ZC3H12D: variants seen among roughly 807,000 people sequenced by gnomAD.
ZC3H12D encodes zinc finger CCCH-type containing 12D.
A neutral mutation model predicts 24.2 loss-of-function variants in ZC3H12D; 11 were observed. The observed-to-expected ratio is 0.46, with a 90% CI of 0.29 to 0.75. The LOEUF (loss-of-function observed/expected upper bound fraction) is 0.75. ZC3H12D is among the 30% of genes least tolerant of loss of function. ZC3H12D has a pLI of 0.11. For synonymous variants in ZC3H12D, 333 were observed against 341.8 expected (o/e 0.97, Z 0.28); for missense variants, 740 against 767.7 (o/e 0.96, Z 0.43).
Position 149,456,639 on chromosome 6 carries a change from G to T in ZC3H12D, c.680+27C>A. On this transcript the variant is annotated intron_variant, in intron 4 of 5. Transcript: ENST00000409806. The surrounding 1 kb of genome is among the most constrained non-coding windows in gnomAD (Gnocchi z 4.3). The stretch of plus-strand genomic sequence containing the variant: ...CGGCCCCCCGCCCCGCCGCCCCCCA[G>T]GGTGTCAGGACCCCAGCCGGACCTA... 1 of 767,110 alleles carries T rather than the reference G, an allele frequency of 1.3e-6. No homozygotes were observed. The highest frequency in any genetic ancestry group is 2.2e-6 in the Non-Finnish European group (1 of 452,008). The allele number at this position is 767,110 out of a possible 1,614,324, so 47.5% of individuals were successfully genotyped here. A position where few individuals can be genotyped will look rare whatever the true frequency, so the allele number is the denominator to read the frequency against.
chr6:149,473,874 C>T (rs1214506371), intron 2 of ZC3H12D, among the ~76,000 whole-genome samples: 1 of 152,158 alleles, frequency 6.6e-6, no homozygotes, highest in Non-Finnish European at 1.5e-5. Context: ...TCTGCCAACA[C>T]TTGACCCAGG....
rs1399311756 is a variant in ZC3H12D at position 149,461,983 on chromosome 6, A to G, written c.306-13T>C. The G allele has an allele frequency of 6.2e-7, 1 of 1,606,966 alleles. No homozygotes were observed. Among genetic ancestry groups the G allele is most frequent in the Non-Finnish European group, 8.5e-7 (1 of 1,176,854 alleles). ...TTTATTTCCATGGCTACAATGGGAA[A>G]ACAAAGAAATCATAGAGACACAGCA... On this transcript the variant is annotated splice_polypyrimidine_tract_variant and intron_variant, in intron 2 of 5. Transcript: ENST00000409806.
At chr6:149,455,993 C>A (rs991981240) in intron 4 of ZC3H12D, among the ~76,000 whole-genome samples, 3 of 151,158 alleles carry the variant, frequency 2.0e-5, no homozygotes, top group African/African-American at 7.3e-5. Context: ...GTGGCTCAAG[C>A]CTGTAATCCC....
intron 3 of ZC3H12D, among the ~76,000 whole-genome samples, chr6:149,459,157 TTG>T (rs1776033999): frequency 1.6e-5 from 1 of 62,542 alleles, no homozygotes; most frequent in Non-Finnish European, 3.6e-5. Context: ...AAGTTTGCAC[TTG>T]TTGTGGCTTA....
chr6:149,474,170 G>C, intron 2 of ZC3H12D, 69 bp downstream of exon 2: 1 of 1,342,458 alleles, frequency 7.4e-7, no homozygotes, highest in Non-Finnish European at 9.8e-7. Flanking sequence ...ACAAGGAAGA[G>C]GGACAGTTCT....
chr6:149,452,704 G>T lies in ZC3H12D; in HGVS notation c.699C>A (p.Asp233Glu). Residue 233 changes from aspartate to glutamate, a missense_variant, in exon 5 of 6, where the codon GAC becomes GAA. Coordinates refer to ENST00000409806, the MANE Select transcript of ZC3H12D (RefSeq NM_207360.3). The surrounding 1 kb of genome is among the most constrained non-coding windows in gnomAD (Gnocchi z 4.0). ...FVNDRFMPPDDPLGRHGPSLS... is the reference protein window; with the variant it reads ...FVNDRFMPPDEPLGRHGPSLS... ...GGGAGGGTCCATGGCGGCCCAGGGG[G>T]TCATCAGGCGGCATGAACCTGGAAA... The T allele has an allele frequency of 6.2e-7, 1 of 1,605,528 alleles. No homozygotes were observed. The highest frequency in any genetic ancestry group is 8.5e-7 in the Non-Finnish European group (1 of 1,176,968).
intron 2 of ZC3H12D, among the ~76,000 whole-genome samples, chr6:149,473,000 T>A (rs1013134935): frequency 1.1e-4 from 16 of 152,168 alleles, no homozygotes; most frequent in South Asian, 2.1e-4. Flanking sequence ...GGTTTACCTA[T>A]CTGGTGCCTA....
At chr6:149,463,806 A>G (rs970732243) in intron 2 of ZC3H12D, among the ~76,000 whole-genome samples, 3 of 152,176 alleles carry the variant, frequency 2.0e-5, no homozygotes. Context: ...TCAATGACTG[A>G]TTGGATATGG....
rs1237415429 is a variant in ZC3H12D at position 149,452,504 on chromosome 6, T to C, written c.787+112A>G. 3.4e-6 allele frequency: 3 copies of C among 891,572 alleles called. No homozygotes were observed. The highest frequency in any genetic ancestry group is 4.8e-6 in the Non-Finnish European group (3 of 623,518). 55.2% of individuals were successfully genotyped at this position (891,572 alleles called of 1,614,324 possible). On this transcript the variant is annotated intron_variant, in intron 5 of 5. Coordinates refer to ENST00000409806, the MANE Select transcript of ZC3H12D (RefSeq NM_207360.3). This position sits in a 1 kb window ranked among gnomAD's most constrained non-coding sequence, Gnocchi z 4.0. Reference sequence around the variant, plus strand: ...GGTAGCACAGCTGGAGGGCAGAACTTGGGCAAGAGCCCAGGCCGCTGAGCA... The same window carrying C: ...GGTAGCACAGCTGGAGGGCAGAACTCGGGCAAGAGCCCAGGCCGCTGAGCA...
In ZC3H12D at chr6:149,454,845, T is replaced by A. The variant is rs533214315; in HGVS notation, c.680+1821A>T. ...AGACGGACAGTGAGAGCCGCTGGCC[T>A]TTTGTAGCTGGAAATGACAATGGGG... On this transcript the variant is annotated intron_variant, in intron 4 of 5. Coordinates refer to ENST00000409806, the MANE Select transcript of ZC3H12D (RefSeq NM_207360.3). Among the ~76,000 whole-genome samples the A allele has an allele frequency of 2.2e-4, 34 of 152,346 alleles. 1 individual carries two copies. The South Asian group carries it at 6.4e-3, about 29-fold the overall frequency.
At position 149,474,684 on chromosome 6, in the gene ZC3H12D, G is replaced by T. The variant is rs576060058; in HGVS notation, c.-70-71C>A. 4 of 721,176 alleles carry T rather than the reference G, an allele frequency of 5.5e-6. No homozygotes were observed. In the African/African-American group the frequency reaches 7.2e-5, roughly 13 times the overall value. 44.7% of individuals were successfully genotyped at this position (721,176 alleles called of 1,614,324 possible). On this transcript the variant is annotated intron_variant, in intron 1 of 5. Transcript: ENST00000409806. ...TGGGGCAAGGGCAAGGTGTGCCTGCGCTGGCTCCCTCCCGGCCTAGCTGTC... is the reference window on the plus strand; with the variant it reads ...TGGGGCAAGGGCAAGGTGTGCCTGCTCTGGCTCCCTCCCGGCCTAGCTGTC...
intron 4 of ZC3H12D, among the ~76,000 whole-genome samples, chr6:149,455,923 C>T (rs1458696774): frequency 6.7e-6 from 1 of 148,596 alleles, no homozygotes; most frequent in Non-Finnish European, 1.5e-5. Flanking sequence ...AATCTGTTGC[C>T]TACTCCCATA....
chr6:149,474,495 G>T lies in ZC3H12D; in HGVS notation c.49C>A (p.Arg17=). ...MEFFQKLGYD[R]EDVLRVLGKL... Reference sequence around the variant, plus strand: ...CCCAACACCCGGAGCACATCCTCCCGGTCATAGCCCAGCTTCTGGAAGAAT... The same window carrying T: ...CCCAACACCCGGAGCACATCCTCCCTGTCATAGCCCAGCTTCTGGAAGAAT... Residue 17 remains arginine (R), a synonymous_variant, in exon 2 of 6, where the codon CGG becomes AGG. Coordinates refer to ENST00000409806, the MANE Select transcript of ZC3H12D (RefSeq NM_207360.3). The T allele has an allele frequency of 1.3e-6, 2 of 1,560,346 alleles. No homozygotes were observed. Among genetic ancestry groups the T allele is most frequent in the South Asian group, 1.2e-5 (1 of 85,828 alleles).
chr6:149,459,495 C>A, intron 3 of ZC3H12D: 1 of 687,778 alleles, frequency 1.5e-6, no homozygotes, highest in Non-Finnish European at 2.7e-6. Context: ...GGAACCACAG[C>A]CCAGAATATG....
intron 2 of ZC3H12D, among the ~76,000 whole-genome samples, chr6:149,469,223 C>A (rs1044815931): frequency 6.6e-6 from 1 of 152,094 alleles, no homozygotes; most frequent in Non-Finnish European, 1.5e-5. Context: ...TTTGGGAGGC[C>A]GAGGCGGGTG....
In ZC3H12D at chr6:149,451,436, C is replaced by T; in HGVS notation, c.831G>A (p.Pro277=). 1.3e-6 allele frequency: 2 copies of T among 1,576,690 alleles called. No individual in the cohort carries two copies. Residue 277 remains proline (P), a synonymous_variant, in exon 6 of 6, where the codon CCG becomes CCA. Transcript: ENST00000409806. ...CCAGTTGCGCGTGGTGCGGCCTCTC[C>T]GGGTGGTAGAACTTGCACTTGATGC... The part of the protein sequence containing the change: ...TYGIKCKFYH[P]ERPHHAQLAV...
chr6:149,472,394 T>C (rs151168358), intron 2 of ZC3H12D, among the ~76,000 whole-genome samples: 1 of 152,294 alleles, frequency 6.6e-6, no homozygotes, highest in African/African-American at 2.4e-5. Flanking sequence ...GGTACATGTG[T>C]TCTGGTTAAC....
chr6:149,480,798 C>G (rs1219502408), intron 1 of ZC3H12D, among the ~76,000 whole-genome samples: 2 of 148,646 alleles, frequency 1.3e-5, no homozygotes, highest in South Asian at 5.1e-4. Context: ...CTTGGAGGGG[C>G]AGGGAAGGCC....
At chr6:149,482,504 G>A (rs1480782408) in intron 1 of ZC3H12D, among the ~76,000 whole-genome samples, 1 of 152,184 alleles carries the variant, frequency 6.6e-6, no homozygotes, top group Non-Finnish European at 1.5e-5. Flanking sequence ...GAGGTCACAG[G>A]AGCAGCTTCC....
Sources: gnomAD v4.1 joint callset for allele counts (sites outside exome capture counted in the v4.1 genomes callset) on GRCh38, gnomAD v4.1.1 for gene constraint, Gnocchi (gnomAD v3.1) non-coding constraint, MANE v1.5 for transcripts, NCBI Gene and HGNC (gene_info 2026-07-23, HGNC 2026-07-21) for gene names.